The following FHIT variants were observed in gnomAD, a reference collection of about 807,000 sequenced individuals.
FHIT encodes the protein fragile histidine triad diadenosine triphosphatase, also known as bis(5'-adenosyl)-triphosphatase.
FHIT carries 19 observed loss-of-function variants against 17.9 expected under a neutral mutation model. That is an observed-to-expected ratio of 1.06 (90% CI 0.74 to 1.56). The LOEUF is 1.56. Among genes scored for constraint, FHIT ranks in the 40% most tolerant of loss-of-function variants. The pLI is 0.00. For missense variants in FHIT, 248 were observed against 189.2 expected (o/e 1.31, Z -1.82); for synonymous variants, 81 against 69.7 (o/e 1.16, Z -0.81).
chr3:59,946,420 G>C (rs910371523), intron 7 of FHIT, among the ~76,000 whole-genome samples: 1 of 152,152 alleles, frequency 6.6e-6, no homozygotes, highest in African/African-American at 2.4e-5. Context: ...AGAGCTTTTG[G>C]ACAGAGACTA....
intron 6 of FHIT, among the ~76,000 whole-genome samples, chr3:60,013,606 G>A (rs964011561): frequency 3.3e-5 from 5 of 152,112 alleles, no homozygotes; most frequent in African/African-American, 1.2e-4. Context: ...ACAGACAAAA[G>A]GTAAGGCCCA....
At chr3:61,212,741 G>A (rs2039525524) in intron 1 of FHIT, among the ~76,000 whole-genome samples, 1 of 152,190 alleles carries the variant, frequency 6.6e-6, no homozygotes, top group South Asian at 2.1e-4. Context: ...AATGTTAAGG[G>A]CAGCCAGACA....
At chr3:60,457,693 G>A (rs1170861876) in intron 5 of FHIT, among the ~76,000 whole-genome samples, 1 of 150,926 alleles carries the variant, frequency 6.6e-6, no homozygotes, top group Non-Finnish European at 1.5e-5. Flanking sequence ...CTGACAAAGG[G>A]CTAATATCCA....
chr3:61,230,389 A>C (rs1287449618), intron 1 of FHIT, among the ~76,000 whole-genome samples: 1 of 152,140 alleles, frequency 6.6e-6, no homozygotes, highest in African/African-American at 2.4e-5. Flanking sequence ...TTGCCATATG[A>C]CATGCCTGCT....
intron 3 of FHIT, among the ~76,000 whole-genome samples, chr3:60,857,860 C>CA (rs1703451547): frequency 1.3e-5 from 2 of 152,122 alleles, no homozygotes; most frequent in South Asian, 4.1e-4. Context: ...CCCAGGAGTT[C>CA]AAGGCTGCAG....
At chr3:59,823,864 A>G (rs1700883745) in intron 8 of FHIT, among the ~76,000 whole-genome samples, 1 of 152,218 alleles carries the variant, frequency 6.6e-6, no homozygotes, top group South Asian at 2.1e-4. Flanking sequence ...CAGACAAGAG[A>G]GAGAAATAAA....
At chr3:59,948,466 G>A (rs1369039661) in intron 7 of FHIT, among the ~76,000 whole-genome samples, 2 of 151,616 alleles carry the variant, frequency 1.3e-5, no homozygotes, top group African/African-American at 2.4e-5. Context: ...GCAGTGAGCT[G>A]AGATCATGCC....
chr3:60,905,093 A>G (rs944595357), intron 3 of FHIT, among the ~76,000 whole-genome samples: 1 of 152,164 alleles, frequency 6.6e-6, no homozygotes, highest in Non-Finnish European at 1.5e-5. Flanking sequence ...AACTACACTA[A>G]GAATTATAAC....
At chr3:60,102,078 A>T (rs557959111) in intron 5 of FHIT, among the ~76,000 whole-genome samples, 1 of 152,226 alleles carries the variant, frequency 6.6e-6, no homozygotes, top group Admixed American at 6.5e-5. Flanking sequence ...TTGGTGGGTG[A>T]GTCCCAGAAG....
intron 4 of FHIT, among the ~76,000 whole-genome samples, chr3:60,604,275 G>A (rs968803966): frequency 6.6e-6 from 1 of 152,134 alleles, no homozygotes; most frequent in Non-Finnish European, 1.5e-5. Context: ...ACAAAAGTGA[G>A]GGGAATCCAG....
At chr3:60,904,048 T>C (rs1553763922) in intron 3 of FHIT, among the ~76,000 whole-genome samples, 2 of 152,204 alleles carry the variant, frequency 1.3e-5, no homozygotes, top group African/African-American at 4.8e-5. Context: ...GAGTATCACT[T>C]GTTTGTCCTT....
At chr3:59,879,706 A>G (rs1703318528) in intron 8 of FHIT, among the ~76,000 whole-genome samples, 1 of 152,208 alleles carries the variant, frequency 6.6e-6, no homozygotes, top group African/African-American at 2.4e-5. Flanking sequence ...TACAAACATT[A>G]TATTGGACAC....
chr3:60,743,072 G>A (rs114133751), intron 4 of FHIT, among the ~76,000 whole-genome samples: 1,689 of 152,268 alleles, frequency 0.011, 35 homozygotes, highest in African/African-American at 0.038. Context: ...AGAACAGAGC[G>A]GGAGGCACTG....
chr3:60,425,295 T>C (rs115336364), intron 5 of FHIT, among the ~76,000 whole-genome samples: 8 of 152,262 alleles, frequency 5.3e-5, no homozygotes, highest in Admixed American at 6.5e-5. Context: ...TTTTGTTTAA[T>C]TCTTTACAAA....
intron 5 of FHIT, among the ~76,000 whole-genome samples, chr3:60,301,556 C>T (rs1038929820): frequency 7.9e-5 from 12 of 152,144 alleles, no homozygotes; most frequent in Non-Finnish European, 2.9e-5. Flanking sequence ...CTAGTTCTAG[C>T]TCCCAAAACC....
chr3:60,994,043 C>A (rs543662454), intron 3 of FHIT, among the ~76,000 whole-genome samples: 2 of 152,232 alleles, frequency 1.3e-5, no homozygotes, highest in South Asian at 4.1e-4. Flanking sequence ...AAATATGATT[C>A]TTTAATAATG....
chr3:60,642,460 T>A (rs1553685557), intron 4 of FHIT, among the ~76,000 whole-genome samples: 1 of 152,030 alleles, frequency 6.6e-6, no homozygotes, highest in African/African-American at 2.4e-5. Flanking sequence ...CAATGAATGA[T>A]AACAGATTCT....
At chr3:60,174,171 A>T (rs1701563074) in intron 5 of FHIT, among the ~76,000 whole-genome samples, 1 of 151,414 alleles carries the variant, frequency 6.6e-6, no homozygotes, top group African/African-American at 2.4e-5. Flanking sequence ...CAGCCTCCCG[A>T]AGTGCTGGGA....
intron 5 of FHIT, among the ~76,000 whole-genome samples, chr3:60,062,873 A>T (rs1702349259): frequency 6.6e-6 from 1 of 152,182 alleles, no homozygotes; most frequent in African/African-American, 2.4e-5. Flanking sequence ...GAGGGAATAG[A>T]TGTTAATAGC....
Sources: allele counts gnomAD v4.1 joint callset (sites outside exome capture counted in the v4.1 genomes callset), GRCh38; gene constraint gnomAD v4.1.1; transcripts MANE v1.5; gene names NCBI Gene and HGNC (gene_info 2026-07-23, HGNC 2026-07-21).